The following CAMKMT variants were observed in gnomAD, a reference collection of about 807,000 sequenced individuals.
CAMKMT encodes calmodulin-lysine N-methyltransferase.
A neutral mutation model predicts 48.0 loss-of-function variants in CAMKMT; 53 were observed. The observed-to-expected ratio is 1.10, with a 90% CI of 0.89 to 1.39. The LOEUF (loss-of-function observed/expected upper bound fraction) is 1.39, where lower values mean the gene tolerates loss of function less well. CAMKMT is among the 40% of genes most tolerant of loss of function. The pLI is 0.00. For missense variants in CAMKMT, 428 were observed against 402.7 expected, an observed-to-expected ratio of 1.06 and a Z score of -0.54; for synonymous variants, 165 against 152.3, an observed-to-expected ratio of 1.08 and a Z score of -0.61.
rs1669609649 is a variant in CAMKMT, at chr2:44,582,318, T to C, written c.377-121965T>C. On this transcript the variant is annotated intron_variant, in intron 3 of 10. Transcript: ENST00000378494. ...AAAAGAAAAGAGCATAAAAAGGATG[T>C]ACCTCACTAACAGTGCAATGCCATA... 1.3e-5 allele frequency among the ~76,000 whole-genome samples: 2 copies of C among 152,252 alleles called. 1 individual carries two copies. The highest frequency in any genetic ancestry group is 4.1e-4 in the South Asian group (2 of 4,836).
intron 1 of CAMKMT, among the ~76,000 whole-genome samples, chr2:44,362,619 C>T (rs940161006): frequency 6.6e-6 from 1 of 152,196 alleles, no homozygotes; most frequent in Non-Finnish European, 1.5e-5. Flanking sequence ...TGAGACACGG[C>T]ATGCGTTCCC....
intron 3 of CAMKMT, among the ~76,000 whole-genome samples, chr2:44,430,908 A>G (rs1315434459): frequency 3.9e-5 from 6 of 152,228 alleles, no homozygotes; most frequent in African/African-American, 1.4e-4. Flanking sequence ...AAGATTTGCA[A>G]AAGTACTATA....
intron 2 of CAMKMT, among the ~76,000 whole-genome samples, chr2:44,383,130 T>G (rs1680423501): frequency 6.6e-6 from 1 of 151,662 alleles, no homozygotes; most frequent in African/African-American, 2.4e-5. Flanking sequence ...TCCTACCTCC[T>G]CTTTTTTTTT....
intron 3 of CAMKMT, among the ~76,000 whole-genome samples, chr2:44,628,740 T>C (rs1423912164): frequency 6.6e-6 from 1 of 152,174 alleles, no homozygotes; most frequent in Non-Finnish European, 1.5e-5. Context: ...GTTCAACATA[T>C]TTTTAATGTT....
At chr2:44,504,588 A>T (rs1670167987) in intron 3 of CAMKMT, among the ~76,000 whole-genome samples, 1 of 152,086 alleles carries the variant, frequency 6.6e-6, no homozygotes, top group Admixed American at 6.6e-5. Flanking sequence ...GGCAGAATTG[A>T]GGTGGGGCCT....
At chr2:44,624,275 C>T (rs1285364656) in intron 3 of CAMKMT, among the ~76,000 whole-genome samples, 3 of 152,012 alleles carry the variant, frequency 2.0e-5, no homozygotes, top group Non-Finnish European at 2.9e-5. Flanking sequence ...GGGTAAATAT[C>T]TAGGAATGGA....
Position 44,771,142 on chromosome 2 carries a change from C to G in CAMKMT, c.895-894C>G, listed in dbSNP as rs576783633. 5.9e-5 allele frequency among the ~76,000 whole-genome samples: 9 copies of G among 152,130 alleles called. No homozygotes were observed. The East Asian group carries it at 1.7e-3, about 29-fold the overall frequency. On this transcript the variant is annotated intron_variant, in intron 10 of 10. Coordinates refer to ENST00000378494, the MANE Select transcript of CAMKMT (RefSeq NM_024766.5). ...TGTGATGTTGAGGCCATTCATTTTG[C>G]TTTAGGGTGGGTGGAGTGGGTGGTG...
At chr2:44,561,452 C>A (rs1461105905) in intron 3 of CAMKMT, among the ~76,000 whole-genome samples, 1 of 152,176 alleles carries the variant, frequency 6.6e-6, no homozygotes, top group Non-Finnish European at 1.5e-5. Context: ...ACTTATTATT[C>A]ATCACTATGA....
At chr2:44,689,035 G>A (rs1676487714) in intron 3 of CAMKMT, among the ~76,000 whole-genome samples, 1 of 152,140 alleles carries the variant, frequency 6.6e-6, no homozygotes, top group South Asian at 2.1e-4. Context: ...GGACTCCGAG[G>A]CAGGAAAATG....
chr2:44,494,008 A>C (rs1423835793), intron 3 of CAMKMT, among the ~76,000 whole-genome samples: 1 of 152,316 alleles, frequency 6.6e-6, no homozygotes, highest in East Asian at 1.9e-4. Context: ...ACACCTTTTC[A>C]TCCATTTTAT....
chr2:44,362,301 A>C (rs529465245), intron 1 of CAMKMT, among the ~76,000 whole-genome samples, 156 bp downstream of exon 1: 1 of 152,202 alleles, frequency 6.6e-6, no homozygotes, highest in East Asian at 1.9e-4. Flanking sequence ...CGCTTCACCT[A>C]AGCGTCCCAT....
At chr2:44,494,344 G>A (rs561850418) in intron 3 of CAMKMT, among the ~76,000 whole-genome samples, 1 of 152,262 alleles carries the variant, frequency 6.6e-6, no homozygotes, top group African/African-American at 2.4e-5. Flanking sequence ...GATTTTGTGA[G>A]TGGTATTTTA....
intron 3 of CAMKMT, among the ~76,000 whole-genome samples, chr2:44,453,264 A>G (rs1667388182): frequency 6.6e-6 from 1 of 152,064 alleles, no homozygotes; most frequent in South Asian, 2.1e-4. Flanking sequence ...TATGTTCAAT[A>G]AGGTTTTTGT....
chr2:44,573,420 T>C (rs1289096393), intron 3 of CAMKMT, among the ~76,000 whole-genome samples: 1 of 152,112 alleles, frequency 6.6e-6, no homozygotes, highest in Non-Finnish European at 1.5e-5. Context: ...TTATCTTTTA[T>C]TTACCTATGT....
At chr2:44,764,984 A>C (rs1680777298) in intron 9 of CAMKMT, among the ~76,000 whole-genome samples, 2 of 152,224 alleles carry the variant, frequency 1.3e-5, no homozygotes, top group South Asian at 4.1e-4. Context: ...GCACTTTGGG[A>C]GGCCAAGGTG....
Position 44,766,826 on chromosome 2 carries a change from G to A in CAMKMT, c.894+265G>A, listed in dbSNP as rs536861642. ...TTCATTCATAATAGACTAATTTGTA[G>A]GATGTAAGGGGAGGTGGCATAGAAT... On this transcript the variant is annotated intron_variant, in intron 10 of 10. Transcript: ENST00000378494. Among the ~76,000 whole-genome samples the A allele has an allele frequency of 9.8e-5, 15 of 152,300 alleles. No individual in the cohort carries two copies. In the East Asian group the frequency reaches 2.1e-3, roughly 22 times the overall value.
chr2:44,473,783 G>A (rs565286969), intron 3 of CAMKMT, among the ~76,000 whole-genome samples: 3 of 152,320 alleles, frequency 2.0e-5, no homozygotes, highest in African/African-American at 4.8e-5. Flanking sequence ...TATGCGGTGA[G>A]AATTCAACTA....
intron 3 of CAMKMT, among the ~76,000 whole-genome samples, chr2:44,689,818 A>T (rs1676542236): frequency 6.6e-6 from 1 of 152,154 alleles, no homozygotes; most frequent in Non-Finnish European, 1.5e-5. Context: ...GTGCTTTGAG[A>T]CCTCAGGAGA....
At chr2:44,451,448 T>C (rs1345513840) in intron 3 of CAMKMT, among the ~76,000 whole-genome samples, 1 of 151,956 alleles carries the variant, frequency 6.6e-6, no homozygotes, top group African/African-American at 2.4e-5. Flanking sequence ...TCTTCTACCT[T>C]TACTGTCCTA....
Sources: gnomAD v4.1 joint callset for allele counts (sites outside exome capture counted in the v4.1 genomes callset) on GRCh38, gnomAD v4.1.1 for gene constraint, MANE v1.5 for transcripts, NCBI Gene and HGNC (gene_info 2026-07-23, HGNC 2026-07-21) for gene names.